TENM4: variants seen among roughly 807,000 people sequenced by gnomAD.
TENM4 encodes teneurin-4.
In TENM4, 82 loss-of-function variants were observed where a neutral mutation model predicts 243.3. The observed-to-expected ratio is 0.34, with a 90% CI of 0.28 to 0.40. The LOEUF is 0.40. Ranked by LOEUF, TENM4 falls within the 10% of genes least tolerant of loss-of-function variation. The pLI is 1.00. For synonymous variants in TENM4, 1,412 were observed against 1,456.3 expected (o/e 0.97, Z 0.69); for missense variants, 3,138 against 3,673.3 (o/e 0.85, Z 3.77).
intron 3 of TENM4, among the ~76,000 whole-genome samples, chr11:79,187,391 A>G (rs1443109704): frequency 6.6e-6 from 1 of 152,198 alleles, no homozygotes; most frequent in Non-Finnish European, 1.5e-5. Context: ...CAACCCATGC[A>G]TGGGTCCTTA....
chr11:79,134,168 T>C (rs567241973), intron 4 of TENM4, among the ~76,000 whole-genome samples: 1 of 152,222 alleles, frequency 6.6e-6, no homozygotes, highest in Admixed American at 6.5e-5. Context: ...AGAAGATTAA[T>C]ATATACAAAT....
chr11:78,675,311 T>C (rs1232816118), intron 30 of TENM4, among the ~76,000 whole-genome samples: 1 of 152,242 alleles, frequency 6.6e-6, no homozygotes, highest in Non-Finnish European at 1.5e-5. Flanking sequence ...GAGTCTGAGC[T>C]GTGTTGCTAT....
intron 12 of TENM4, among the ~76,000 whole-genome samples, chr11:78,847,981 A>G (rs1473384690): frequency 1.3e-5 from 2 of 152,340 alleles, no homozygotes; most frequent in African/African-American, 4.8e-5. Context: ...TTCTTTGGAA[A>G]ATCATGAAGG....
intron 9 of TENM4, among the ~76,000 whole-genome samples, chr11:78,888,357 C>T (rs1010419278): frequency 2.0e-5 from 3 of 152,196 alleles, no homozygotes; most frequent in African/African-American, 7.2e-5. Flanking sequence ...ATGCATGCCA[C>T]CTTGGCCTTG....
chr11:78,962,601 C>T (rs1462843221), intron 6 of TENM4, among the ~76,000 whole-genome samples: 2 of 152,122 alleles, frequency 1.3e-5, no homozygotes, highest in Non-Finnish European at 1.5e-5. Flanking sequence ...CGGAAGCACA[C>T]GGAAAGCCTT....
intron 12 of TENM4, among the ~76,000 whole-genome samples, chr11:78,848,626 C>A (rs959144122): frequency 6.6e-6 from 1 of 152,214 alleles, no homozygotes; most frequent in African/African-American, 2.4e-5. Flanking sequence ...CTTCCTTCAA[C>A]CCTCATGGGT....
chr11:79,271,110 A>G (rs1565277427), intron 2 of TENM4, among the ~76,000 whole-genome samples: 1 of 152,132 alleles, frequency 6.6e-6, no homozygotes, highest in South Asian at 2.1e-4. Flanking sequence ...GGAATTAGTC[A>G]GTCTGGGGGT....
At chr11:79,191,734 C>T (rs1307406002) in intron 3 of TENM4, 2 of 189,638 alleles carry the variant, frequency 1.1e-5, no homozygotes, top group Admixed American at 1.2e-4. Flanking sequence ...CGCCTCTGCC[C>T]CGCCGCCCCA....
chr11:78,674,364 C>T (rs370367976), intron 30 of TENM4, among the ~76,000 whole-genome samples: 59 of 152,282 alleles, frequency 3.9e-4, no homozygotes, highest in African/African-American at 1.3e-3. Flanking sequence ...GACATGTAGA[C>T]GTGGCCACCC....
intron 6 of TENM4, among the ~76,000 whole-genome samples, chr11:78,982,870 T>C (rs562588137): frequency 4.4e-4 from 67 of 152,300 alleles, no homozygotes; most frequent in African/African-American, 1.5e-3. Context: ...GTCTCTGAGC[T>C]CAGCCTTTTT....
chr11:78,954,253 C>T (rs1054574070), intron 6 of TENM4, among the ~76,000 whole-genome samples: 3 of 152,120 alleles, frequency 2.0e-5, no homozygotes, highest in East Asian at 1.9e-4. Flanking sequence ...CCAAAGACCA[C>T]GTTTAGGAAA....
intron 6 of TENM4, among the ~76,000 whole-genome samples, chr11:79,047,700 G>T (rs190848594): frequency 6.6e-6 from 1 of 152,162 alleles, no homozygotes; most frequent in South Asian, 2.1e-4. Context: ...GAGGATGCAG[G>T]TTCGGAGTCA....
At chr11:78,713,314 A>C (rs1859444312) in intron 25 of TENM4, among the ~76,000 whole-genome samples, 1 of 152,194 alleles carries the variant, frequency 6.6e-6, no homozygotes, top group Non-Finnish European at 1.5e-5. Flanking sequence ...GTCAGATATA[A>C]GTGAACTGCA....
intron 6 of TENM4, among the ~76,000 whole-genome samples, chr11:78,920,390 G>T (rs1330720329): frequency 6.6e-6 from 1 of 152,166 alleles, no homozygotes; most frequent in Non-Finnish European, 1.5e-5. Flanking sequence ...ATGATCTGTG[G>T]ATATTAAGTA....
intron 6 of TENM4, among the ~76,000 whole-genome samples, chr11:78,943,323 T>C (rs971610675): frequency 5.9e-5 from 9 of 152,154 alleles, no homozygotes; most frequent in African/African-American, 2.2e-4. Context: ...ATCTTGACTC[T>C]TGGAAGAAGT....
chr11:78,972,974 C>CT (rs1320292570), intron 6 of TENM4, among the ~76,000 whole-genome samples: 1 of 152,198 alleles, frequency 6.6e-6, no homozygotes, highest in Non-Finnish European at 1.5e-5. Context: ...AAAATATTTT[C>CT]TCAAGGGTTC....
intron 7 of TENM4, among the ~76,000 whole-genome samples, chr11:78,893,995 T>C (rs1011421737): frequency 1.3e-5 from 2 of 152,216 alleles, no homozygotes; most frequent in Non-Finnish European, 2.9e-5. Flanking sequence ...CACTGCTATG[T>C]GCCCAGAGTC....
chr11:78,866,551 G>A (rs568247703), intron 9 of TENM4, among the ~76,000 whole-genome samples: 57 of 151,952 alleles, frequency 3.8e-4, no homozygotes, highest in Non-Finnish European at 6.9e-4. Flanking sequence ...ACAGGTCTGG[G>A]GTCCCAGGGA....
chr11:79,440,032 G>A lies in TENM4; in HGVS notation c.-321+477C>T, dbSNP rs1241011833. On this transcript the variant is annotated intron_variant, in intron 1 of 33. Coordinates refer to ENST00000278550, the MANE Select transcript of TENM4 (RefSeq NM_001098816.3). The surrounding 1 kb of genome is among the most constrained non-coding windows in gnomAD (Gnocchi z 4.7). ...CCGCCCGTGCGGGGCTGCTGCAGCCGGCACTTGCCCCGCAGGGCAGGCTGC... is the reference window on the plus strand; with the variant it reads ...CCGCCCGTGCGGGGCTGCTGCAGCCAGCACTTGCCCCGCAGGGCAGGCTGC... Among the ~76,000 whole-genome samples the A allele has an allele frequency of 3.9e-5, 6 of 152,064 alleles. No individual in the cohort carries two copies. Among genetic ancestry groups the A allele is most frequent in the African/African-American group, 1.2e-4 (5 of 41,442 alleles).
Sources: allele counts gnomAD v4.1 joint callset (sites outside exome capture counted in the v4.1 genomes callset), GRCh38; gene constraint gnomAD v4.1.1; non-coding constraint Gnocchi (gnomAD v3.1); transcripts MANE v1.5; gene names NCBI Gene and HGNC (gene_info 2026-07-23, HGNC 2026-07-21).